CHSY3: variants seen among roughly 807,000 people sequenced by gnomAD.
CHSY3 encodes the protein N-acetylgalactosaminyl-proteoglycan 3-beta-glucuronosyltransferase 3.
In CHSY3, 35 loss-of-function variants were observed where a neutral mutation model predicts 67.2. The ratio of observed to expected loss-of-function variants is 0.52; its 90% CI spans 0.40 to 0.69. The LOEUF (loss-of-function observed/expected upper bound fraction) is 0.69. CHSY3 is among the 30% of genes least tolerant of loss of function. The pLI, the probability that CHSY3 is intolerant of heterozygous loss-of-function variation, is 0.00. For missense variants in CHSY3, 1,069 were observed against 1,138.5 expected, an observed-to-expected ratio of 0.94 and a Z score of 0.88; for synonymous variants, 474 against 434.7, an observed-to-expected ratio of 1.09 and a Z score of -1.12.
intron 2 of CHSY3, among the ~76,000 whole-genome samples, chr5:130,072,902 A>G (rs1473990303): frequency 6.6e-6 from 1 of 152,180 alleles, no homozygotes; most frequent in Non-Finnish European, 1.5e-5. Context: ...CAGAAAGACA[A>G]ACACTTCATG....
rs1219508013 is a variant in CHSY3, at chr5:129,970,443, T to C, written c.1086+62083T>C. 4.7e-5 allele frequency among the ~76,000 whole-genome samples: 6 copies of C among 128,958 alleles called. No individual in the cohort carries two copies. In the South Asian group the frequency reaches 1.1e-3, roughly 23 times the overall value. The allele number at this position is 128,958 out of a possible 152,430, so 84.6% of individuals were successfully genotyped here. ...ATAGATAGATAGATAGATAGATAGATAGATAGACAGACAGAAAGTGCTTTT... is the reference window on the plus strand; with the variant it reads ...ATAGATAGATAGATAGATAGATAGACAGATAGACAGACAGAAAGTGCTTTT... On this transcript the variant is annotated intron_variant, in intron 2 of 2. Transcript: ENST00000305031.
chr5:130,053,489 C>T (rs1765431467), intron 2 of CHSY3, among the ~76,000 whole-genome samples: 1 of 152,114 alleles, frequency 6.6e-6, no homozygotes, highest in African/African-American at 2.4e-5. Flanking sequence ...CCTCATGTTT[C>T]TGATTCTCAA....
rs371642231 is a variant in CHSY3 at position 129,954,929 on chromosome 5, C to T, written c.1086+46569C>T. Among the ~76,000 whole-genome samples, 203 of 152,152 alleles carry T rather than the reference C, an allele frequency of 1.3e-3. 7 individuals carry two copies. In the South Asian group the frequency reaches 0.041, roughly 30 times the overall value. On this transcript the variant is annotated intron_variant, in intron 2 of 2. Coordinates refer to ENST00000305031, the MANE Select transcript of CHSY3 (RefSeq NM_175856.5). ...TGCCACCCAGGCTGCAGTGCCGTGG[C>T]GCGATCTTGGCTCACTGCAACCTCT...
chr5:130,071,196 A>G (rs1358341485), intron 2 of CHSY3, among the ~76,000 whole-genome samples: 1 of 152,060 alleles, frequency 6.6e-6, no homozygotes, highest in Non-Finnish European at 1.5e-5. Flanking sequence ...AAGCACATTT[A>G]TTGTTTTGTA....
chr5:130,072,869 T>C (rs1003138078), intron 2 of CHSY3, among the ~76,000 whole-genome samples: 1 of 152,288 alleles, frequency 6.6e-6, no homozygotes, highest in East Asian at 1.9e-4. Context: ...GTGGACATTA[T>C]GCTAAGTGAA....
At chr5:130,100,280 G>A (rs1767194018) in intron 2 of CHSY3, among the ~76,000 whole-genome samples, 1 of 151,934 alleles carries the variant, frequency 6.6e-6, no homozygotes, top group Admixed American at 6.6e-5. Context: ...TGCCTCCCGG[G>A]TTCATGCCAT....
chr5:130,080,939 A>G (rs999928858), intron 2 of CHSY3, among the ~76,000 whole-genome samples: 7 of 152,076 alleles, frequency 4.6e-5, no homozygotes, highest in Admixed American at 2.6e-4. Context: ...TTACTCCGCC[A>G]CACAATGGGG....
intron 2 of CHSY3, chr5:130,141,699 C>A: frequency 1.9e-6 from 1 of 524,062 alleles, no homozygotes; most frequent in Non-Finnish European, 3.8e-6. Context: ...AACTTCAAGG[C>A]AAGATTAACG....
chr5:129,939,071 G>A (rs1189301828), intron 2 of CHSY3, among the ~76,000 whole-genome samples: 1 of 152,112 alleles, frequency 6.6e-6, no homozygotes, highest in Non-Finnish European at 1.5e-5. Context: ...TTCTGCTCTT[G>A]GGGAGCCCTC....
chr5:129,983,419 A>G (rs1446265522), intron 2 of CHSY3, among the ~76,000 whole-genome samples: 1 of 152,096 alleles, frequency 6.6e-6, no homozygotes, highest in African/African-American at 2.4e-5. Flanking sequence ...TAAGCAATCA[A>G]TGTAATACAT....
chr5:130,162,057 A>AAAAAAAAAAAAAAG (rs1554087189), intron 2 of CHSY3, among the ~76,000 whole-genome samples: 2 of 122,976 alleles, frequency 1.6e-5, no homozygotes, highest in African/African-American at 3.1e-5. Context: ...AAAAAAAAAA[A>AAAAAAAAAAAAAAG]AAAGAAAGAA....
At chr5:130,157,541 A>G (rs1006946592) in intron 2 of CHSY3, among the ~76,000 whole-genome samples, 2 of 152,198 alleles carry the variant, frequency 1.3e-5, no homozygotes, top group South Asian at 4.1e-4. Flanking sequence ...TAAAGGACCA[A>G]AGATTTTCGT....
At chr5:130,144,369 A>G (rs1319839227) in intron 2 of CHSY3, among the ~76,000 whole-genome samples, 1 of 151,784 alleles carries the variant, frequency 6.6e-6, no homozygotes, top group Non-Finnish European at 1.5e-5. Context: ...ATATCTAAAA[A>G]CTAATATTAC....
At chr5:130,034,193 G>A (rs981120651) in intron 2 of CHSY3, among the ~76,000 whole-genome samples, 2 of 43,630 alleles carry the variant, frequency 4.6e-5, no homozygotes, top group Admixed American at 3.3e-4. Flanking sequence ...GAATAATACA[G>A]CAGTTAAGTT....
At chr5:130,028,179 T>C (rs1230179530) in intron 2 of CHSY3, among the ~76,000 whole-genome samples, 1 of 152,102 alleles carries the variant, frequency 6.6e-6, no homozygotes, top group Non-Finnish European at 1.5e-5. Flanking sequence ...AAAGTTCATA[T>C]GGAACCAAAA....
chr5:129,905,534 C>G lies in CHSY3; in HGVS notation c.705C>G (p.Pro235=). ...ALPGVDDSYP[P]QKKSFMMIKY... ...CGGGTGTGGACGACTCCTATCCTCCCCAGAAAAAGTCCTTCATGATGATCA... is the reference window on the plus strand; with the variant it reads ...CGGGTGTGGACGACTCCTATCCTCCGCAGAAAAAGTCCTTCATGATGATCA... Residue 235 remains proline, a synonymous_variant, in exon 1 of 3, where the codon CCC becomes CCG. Transcript: ENST00000305031. The G allele has an allele frequency of 6.2e-7, 1 of 1,613,610 alleles. No individual in the cohort carries two copies. Among genetic ancestry groups the G allele is most frequent in the Non-Finnish European group, 8.5e-7 (1 of 1,180,024 alleles).
At chr5:129,927,892 T>A (rs1285471022) in intron 2 of CHSY3, among the ~76,000 whole-genome samples, 2 of 152,048 alleles carry the variant, frequency 1.3e-5, no homozygotes, top group African/African-American at 4.8e-5. Flanking sequence ...TGTGTGTGTG[T>A]GAGTTTATAG....
At chr5:129,905,837 C>G (rs1338136445) in intron 1 of CHSY3, 2 of 1,130,054 alleles carry the variant, frequency 1.8e-6, no homozygotes, top group Non-Finnish European at 2.4e-6. Context: ...GGACCCTCCT[C>G]ACACCTGCCT....
chr5:130,120,072 A>G (rs1224176624), intron 2 of CHSY3, among the ~76,000 whole-genome samples: 1 of 152,176 alleles, frequency 6.6e-6, no homozygotes, highest in African/African-American at 2.4e-5. Flanking sequence ...AAACTATCAA[A>G]CCCATCCATA....
Sources: gnomAD v4.1 joint callset for allele counts (sites outside exome capture counted in the v4.1 genomes callset) on GRCh38, gnomAD v4.1.1 for gene constraint, MANE v1.5 for transcripts, NCBI Gene and HGNC (gene_info 2026-07-23, HGNC 2026-07-21) for gene names.